Variants in FAM240A observed in about 807,000 individuals in gnomAD.
FAM240A encodes family with sequence similarity 240 member A.
In FAM240A, 8 loss-of-function variants were observed where a neutral mutation model predicts 7.3. That is an observed-to-expected ratio of 1.09 (90% confidence interval 0.64 to 1.97). The LOEUF (loss-of-function observed/expected upper bound fraction) is 1.97, where lower values mean the gene tolerates loss of function less well. Among genes scored for constraint, FAM240A ranks in the 30% most tolerant of loss-of-function variants. The pLI is 0.00. For synonymous variants in FAM240A, 32 were observed against 35.9 expected, an observed-to-expected ratio of 0.89 and a Z score of 0.38; for missense variants, 90 against 102.2, an observed-to-expected ratio of 0.88 and a Z score of 0.52.
chr3:46,620,853 C>T (rs1697685314), intron 2 of FAM240A, among the ~76,000 whole-genome samples: 1 of 152,012 alleles, frequency 6.6e-6, no homozygotes, highest in African/African-American at 2.4e-5. Flanking sequence ...TATCAAGTAC[C>T]TCTGGTTAAT....
intron 1 of FAM240A, among the ~76,000 whole-genome samples, chr3:46,615,560 G>T (rs1057311826): frequency 1.5e-4 from 23 of 152,008 alleles, no homozygotes; most frequent in Admixed American, 5.9e-4. Flanking sequence ...AGAACATCTG[G>T]CAAAATGCCT....
rs895337503 is a variant in FAM240A at position 46,625,207 on chromosome 3, A to G, written c.241A>G (p.Asn81Asp). 3.3e-6 allele frequency: 5 copies of G among 1,532,834 alleles called. No individual in the cohort carries two copies. Among genetic ancestry groups the G allele is most frequent in the Non-Finnish European group, 4.4e-6 (5 of 1,144,896 alleles). The allele number at this position is 1,532,834 out of a possible 1,614,324, so 95.0% of individuals were successfully genotyped here. A position where few individuals can be genotyped will look rare whatever the true frequency, so the allele number is the denominator to read the frequency against. The change falls in exon 3 of 3, where the codon AAT becomes GAT. Residue 81 changes from asparagine (N) to aspartate (D), a missense_variant. Transcript: ENST00000640551. ...NNPEDTEKRT[N>D]VG The stretch of plus-strand genomic sequence containing the variant: ...TCCAGAGGACACTGAAAAGAGGACA[A>G]ATGTTGGCTGAGAGCTTCCTGCTTC...
At chr3:46,616,279 G>A (rs1040901664) in intron 1 of FAM240A, among the ~76,000 whole-genome samples, 1 of 152,208 alleles carries the variant, frequency 6.6e-6, no homozygotes, top group Admixed American at 6.5e-5. Context: ...TCAACAGCAG[G>A]GTCAGGATGC....
rs58582816 is a variant in FAM240A, at chr3:46,620,920, G to A, written c.161+3592G>A. 5.2e-3 allele frequency among the ~76,000 whole-genome samples: 798 copies of A among 152,166 alleles called. 2 individuals carry two copies. Among genetic ancestry groups the A allele is most frequent in the African/African-American group, 0.018 (742 of 41,512 alleles). On this transcript the variant is annotated intron_variant, in intron 2 of 2. Coordinates refer to ENST00000640551, the MANE Select transcript of FAM240A (RefSeq NM_001195442.2). ...TTTTTAAAGGAGTTATTATATTTAAGGACAAAATAGCTAAATGTAGTTATT... is the reference window on the plus strand; with the variant it reads ...TTTTTAAAGGAGTTATTATATTTAAAGACAAAATAGCTAAATGTAGTTATT...
In FAM240A at chr3:46,621,700, C is replaced by T. The variant is rs143417443; in HGVS notation, c.162-3428C>T. ...TGAAATAGGAGGATCACTTGAGCCT[C>T]GGGAGGTCGAGGCTGCAGTGAGCCA... is the stretch of plus-strand genomic sequence containing the variant. On this transcript the variant is annotated intron_variant, in intron 2 of 2. Coordinates refer to ENST00000640551, the MANE Select transcript of FAM240A (RefSeq NM_001195442.2). Among the ~76,000 whole-genome samples the T allele has an allele frequency of 3.3e-5, 5 of 151,666 alleles. No homozygotes were observed. The South Asian group carries it at 6.2e-4, about 19-fold the overall frequency.
chr3:46,621,071 C>A (rs1697688062), intron 2 of FAM240A, among the ~76,000 whole-genome samples: 1 of 152,044 alleles, frequency 6.6e-6, no homozygotes, highest in Non-Finnish European at 1.5e-5. Flanking sequence ...TGCTTGAAAT[C>A]TTCTACTACA....
intron 1 of FAM240A, among the ~76,000 whole-genome samples, chr3:46,616,552 C>T (rs2107140801): frequency 6.6e-6 from 1 of 152,246 alleles, no homozygotes; most frequent in Non-Finnish European, 1.5e-5. Context: ...CGTGGCTTAG[C>T]TACCACTTAT....
At position 46,626,330 on chromosome 3, in the gene FAM240A, C is replaced by T. The variant is rs1289191192; in HGVS notation, c.*1112C>T. Reference sequence around the variant, plus strand: ...TTTCATACCTTAATTGTGAAGGACACCTGAACCCCCAGCCATCCTTTGGAA... The same window carrying T: ...TTTCATACCTTAATTGTGAAGGACATCTGAACCCCCAGCCATCCTTTGGAA... On this transcript the variant is annotated 3_prime_UTR_variant, in exon 3 of 3. Transcript: ENST00000640551. 6.6e-6 allele frequency: 1 copy of T among 152,158 alleles called. No homozygotes were observed. The highest frequency in any genetic ancestry group is 1.5e-5 in the Non-Finnish European group (1 of 68,036). The allele number at this position is 152,158 out of a possible 1,614,324, so 9.4% of individuals were successfully genotyped here. A position where few individuals can be genotyped will look rare whatever the true frequency, so the allele number is the denominator to read the frequency against.
intron 1 of FAM240A, among the ~76,000 whole-genome samples, chr3:46,613,835 G>C (rs1349804621): frequency 6.6e-6 from 1 of 152,198 alleles, no homozygotes. Context: ...CCTGTTATCT[G>C]AAGTCCCCTG....
At position 46,617,230 on chromosome 3, in the gene FAM240A, C is replaced by T. The variant is rs1697640189; in HGVS notation, c.63C>T (p.Thr21=). The T allele has an allele frequency of 6.5e-7, 1 of 1,535,026 alleles. No individual in the cohort carries two copies. Among genetic ancestry groups the T allele is most frequent in the Non-Finnish European group, 8.7e-7 (1 of 1,146,398 alleles). Residue 21 remains threonine, a synonymous_variant, in exon 2 of 3, where the codon ACC becomes ACT. Coordinates refer to ENST00000640551, the MANE Select transcript of FAM240A (RefSeq NM_001195442.2). The stretch of plus-strand genomic sequence containing the variant: ...GTCGGGAGGTCTTCTGCCGGAACAC[C>T]TGCCATGATCTCAAGCATTTCTGGG... ...YTRREVFCRN[T]CHDLKHFWER...
rs1164092676 is a variant in FAM240A, at chr3:46,622,860, C to T, written c.162-2268C>T. Among the ~76,000 whole-genome samples the T allele has an allele frequency of 3.3e-5, 5 of 152,156 alleles. No homozygotes were observed. The East Asian group carries it at 9.6e-4, about 29-fold the overall frequency. ...AGTTATCCTAGGTTATCTGCATTTT[C>T]ATATGAATTTTGGAATCAACTTGTC... is the stretch of plus-strand genomic sequence containing the variant. On this transcript the variant is annotated intron_variant, in intron 2 of 2. Transcript: ENST00000640551.
chr3:46,615,523 G>A (rs931008201), intron 1 of FAM240A, among the ~76,000 whole-genome samples: 2 of 151,928 alleles, frequency 1.3e-5, no homozygotes, highest in African/African-American at 4.8e-5. Flanking sequence ...CCCTGCATCC[G>A]CTCTCACCTC....
At chr3:46,623,659 T>C (rs185406082) in intron 2 of FAM240A, among the ~76,000 whole-genome samples, 193 of 152,322 alleles carry the variant, frequency 1.3e-3, no homozygotes, top group African/African-American at 3.9e-3. Flanking sequence ...GTAATATTTT[T>C]TGCTATGAAA....
At chr3:46,614,820 C>T (rs1697609755) in intron 1 of FAM240A, among the ~76,000 whole-genome samples, 1 of 152,182 alleles carries the variant, frequency 6.6e-6, no homozygotes, top group African/African-American at 2.4e-5. Context: ...AGAAGCCATA[C>T]ACTCAATATT....
Position 46,617,180 on chromosome 3 carries a change from T to A in FAM240A, c.16-3T>A. The A allele has an allele frequency of 6.6e-7, 1 of 1,518,582 alleles. No homozygotes were observed. Among genetic ancestry groups the A allele is most frequent in the South Asian group, 1.2e-5 (1 of 80,206 alleles). The allele number at this position is 1,518,582 out of a possible 1,614,324, so 94.1% of individuals were successfully genotyped here. A position where few individuals can be genotyped will look rare whatever the true frequency, so the allele number is the denominator to read the frequency against. On this transcript the variant is annotated splice_region_variant and splice_polypyrimidine_tract_variant and intron_variant, in intron 1 of 2. Transcript: ENST00000640551. ...TTATTTGTATGGCTATTTTCCTTTT[T>A]AGGGGATGAACAATCAATACACCCG...
chr3:46,617,320 A>G lies in FAM240A; in HGVS notation c.153A>G (p.Ala51=), dbSNP rs1559438338. 1.0e-5 allele frequency: 16 copies of G among 1,527,568 alleles called. No homozygotes were observed. The highest frequency in any genetic ancestry group is 2.1e-5 in the Admixed American group (1 of 48,634). 94.6% of individuals were successfully genotyped at this position (1,527,568 alleles called of 1,614,324 possible). A position where few individuals can be genotyped will look rare whatever the true frequency, so the allele number is the denominator to read the frequency against. ...AGGAACGTCGTCTGGGAAGAAGCGC[A>G]CTGAGAAAGTATGTGGCTTGTTTGT... ...ESEERRLGRS[A]LRKLREEWKQ... Residue 51 remains alanine, a synonymous_variant, in exon 2 of 3, where the codon GCA becomes GCG. Coordinates refer to ENST00000640551, the MANE Select transcript of FAM240A (RefSeq NM_001195442.2).
In FAM240A at chr3:46,625,958, ATTCTGGAT is replaced by A. The variant is rs1463995630; in HGVS notation, c.*743_*750del. The A allele has an allele frequency of 5.9e-5, 9 of 152,116 alleles. No homozygotes were observed. In the East Asian group the frequency reaches 1.2e-3, roughly 19 times the overall value. 9.4% of individuals were successfully genotyped at this position (152,116 alleles called of 1,614,324 possible). A position where few individuals can be genotyped will look rare whatever the true frequency, so the allele number is the denominator to read the frequency against. ...ATTCCACAGAGTGTTTACCACACAG[ATTCTGGAT>A]TTTGAAATGGTATAGTCACTCCCTT... On this transcript the variant is annotated 3_prime_UTR_variant, in exon 3 of 3. Coordinates refer to ENST00000640551, the MANE Select transcript of FAM240A (RefSeq NM_001195442.2).
intron 1 of FAM240A, among the ~76,000 whole-genome samples, chr3:46,616,405 G>C (rs1697629153): frequency 6.6e-6 from 1 of 152,126 alleles, no homozygotes; most frequent in Non-Finnish European, 1.5e-5. Flanking sequence ...AAGTTGTATA[G>C]TGTTTAAGTC....
chr3:46,615,375 C>A (rs529349099), intron 1 of FAM240A, among the ~76,000 whole-genome samples: 32 of 152,272 alleles, frequency 2.1e-4, no homozygotes, highest in African/African-American at 7.7e-4. Context: ...AGAGCCAGGG[C>A]AGTACCCACT....
Sources: allele counts gnomAD v4.1 joint callset (sites outside exome capture counted in the v4.1 genomes callset), GRCh38; gene constraint gnomAD v4.1.1; transcripts MANE v1.5; gene names NCBI Gene and HGNC (gene_info 2026-07-23, HGNC 2026-07-21).